ASB3: variants seen among roughly 807,000 people sequenced by gnomAD.
ASB3 encodes the protein ankyrin repeat and SOCS box protein 3.
In ASB3, 41 loss-of-function variants were observed where a neutral mutation model predicts 54.5. That is an observed-to-expected ratio of 0.75 (90% CI 0.59 to 0.98). The LOEUF (loss-of-function observed/expected upper bound fraction) is 0.98. Among genes scored for constraint, ASB3 ranks in the 50% least tolerant of loss-of-function variants. The probability of loss-of-function intolerance (pLI) is 0.00; values close to 1 mark genes in which losing one functional copy is unlikely to be tolerated. For synonymous variants in ASB3, 266 were observed against 221.2 expected (o/e 1.20, Z -1.80); for missense variants, 733 against 620.0 (o/e 1.18, Z -1.94).
chr2:53,770,209 T>C lies in ASB3; in HGVS notation c.-13-4624A>G, dbSNP rs183391312. Among the ~76,000 whole-genome samples, 578 of 152,216 alleles carry C rather than the reference T, an allele frequency of 3.8e-3. 2 individuals are homozygous for C. Among genetic ancestry groups the C allele is most frequent in the Non-Finnish European group, 4.8e-3 (327 of 68,024 alleles). On this transcript the variant is annotated intron_variant, in intron 1 of 9. Transcript: ENST00000263634. ...TTTATAGTTCATCAATGACACAATA[T>C]TATGCAACTATTAAAATGTATGAGA...
At chr2:53,727,477 G>C (rs28668263) in intron 5 of ASB3, among the ~76,000 whole-genome samples, 1 of 151,762 alleles carries the variant, frequency 6.6e-6, no homozygotes, top group African/African-American at 2.4e-5. Context: ...AAAAAAAAAA[G>C]GTTTTTTAAT....
rs776851726 is a variant in ASB3 at position 53,714,604 on chromosome 2, G to A, written c.783-23C>T. 37 of 1,610,904 alleles carry A rather than the reference G, an allele frequency of 2.3e-5. No individual in the cohort carries two copies. The Admixed American group carries it at 6.0e-4, about 26-fold the overall frequency. ...ATTCTATAAATACACAAATTCAGGA[G>A]AATTTAGTGTTTGTATATGTGCATA... On this transcript the variant is annotated intron_variant, in intron 6 of 9. Transcript: ENST00000263634.
At chr2:53,701,012 G>A (rs1413002913) in intron 7 of ASB3, among the ~76,000 whole-genome samples, 5 of 152,236 alleles carry the variant, frequency 3.3e-5, no homozygotes, top group Middle Eastern at 3.4e-3. Context: ...GTCTTGCTCT[G>A]TGGCCCAGGC....
chr2:53,703,311 G>A (rs1669592350), intron 7 of ASB3, among the ~76,000 whole-genome samples: 2 of 152,180 alleles, frequency 1.3e-5, no homozygotes, highest in Admixed American at 1.3e-4. Context: ...TTTTGTTGCA[G>A]GATCTATACA....
intron 2 of ASB3, among the ~76,000 whole-genome samples, chr2:53,763,862 T>G (rs1673288223): frequency 6.6e-6 from 1 of 152,214 alleles, no homozygotes; most frequent in East Asian, 1.9e-4. Context: ...CTTAAGCGTT[T>G]GAAATTAGAG....
At chr2:53,701,328 C>T (rs13408029) in intron 7 of ASB3, among the ~76,000 whole-genome samples, 1 of 151,912 alleles carries the variant, frequency 6.6e-6, no homozygotes, top group Non-Finnish European at 1.5e-5. Context: ...ATTTACAATA[C>T]TACATCTTAA....
chr2:53,767,669 A>G (rs955695848), intron 1 of ASB3: 3 of 582,520 alleles, frequency 5.2e-6, no homozygotes, highest in Non-Finnish European at 9.1e-6. Flanking sequence ...CCGAAGGTCA[A>G]TGCCTCTTGA....
At chr2:53,737,830 T>G (rs911884473) in intron 3 of ASB3, among the ~76,000 whole-genome samples, 2 of 151,540 alleles carry the variant, frequency 1.3e-5, no homozygotes, top group East Asian at 1.9e-4. Context: ...GTGCATATAG[T>G]ATACCCTGAA....
chr2:53,694,268 G>A (rs1350814957), intron 8 of ASB3: 4 of 344,874 alleles, frequency 1.2e-5, no homozygotes, highest in Middle Eastern at 7.8e-4. Context: ...GAGAGAGTAG[G>A]AACTTTCCTT....
At chr2:53,693,509 A>G (rs908428192) in intron 9 of ASB3, among the ~76,000 whole-genome samples, 2 of 152,278 alleles carry the variant, frequency 1.3e-5, no homozygotes, top group African/African-American at 4.8e-5. Context: ...ACATAACTCC[A>G]CAGACATTCC....
chr2:53,738,013 A>G (rs1228303472), intron 3 of ASB3, among the ~76,000 whole-genome samples: 1 of 152,246 alleles, frequency 6.6e-6, no homozygotes, highest in Non-Finnish European at 1.5e-5. Context: ...TTAGGACAGA[A>G]CTAAGCTTCA....
chr2:53,714,140 C>G (rs1419114102), intron 7 of ASB3, among the ~76,000 whole-genome samples: 1 of 151,902 alleles, frequency 6.6e-6, no homozygotes, highest in African/African-American at 2.4e-5. Context: ...GTACGTATTC[C>G]CTAAGATTGC....
intron 9 of ASB3, among the ~76,000 whole-genome samples, chr2:53,686,763 CT>C (rs1668655761): frequency 6.6e-6 from 1 of 152,104 alleles, no homozygotes; most frequent in African/African-American, 2.4e-5. Context: ...GTTGCCCGGG[CT>C]GGAGTGCAAT....
chr2:53,719,586 T>C (rs1339455013), intron 5 of ASB3, among the ~76,000 whole-genome samples: 1 of 147,560 alleles, frequency 6.8e-6, no homozygotes, highest in East Asian at 2.0e-4. Context: ...CCCAAGATAA[T>C]CCCCCCTTCA....
chr2:53,716,113 T>C (rs548612030), intron 6 of ASB3, among the ~76,000 whole-genome samples: 1 of 152,210 alleles, frequency 6.6e-6, no homozygotes, highest in South Asian at 2.1e-4. Context: ...TGAGGTTAGA[T>C]CAAGAAAAGT....
intron 5 of ASB3, among the ~76,000 whole-genome samples, chr2:53,725,629 T>C (rs1303169005): frequency 6.6e-6 from 1 of 152,222 alleles, no homozygotes; most frequent in African/African-American, 2.4e-5. Context: ...TACATGACCA[T>C]GAGAGTTTTT....
At chr2:53,694,740 A>G (rs1669095267) in intron 8 of ASB3, among the ~76,000 whole-genome samples, 1 of 152,142 alleles carries the variant, frequency 6.6e-6, no homozygotes, top group African/African-American at 2.4e-5. Context: ...TGCTACTTAT[A>G]AACAGGTTGC....
At chr2:53,773,695 C>G (rs1558575672) in intron 1 of ASB3, among the ~76,000 whole-genome samples, 1 of 151,610 alleles carries the variant, frequency 6.6e-6, no homozygotes, top group Non-Finnish European at 1.5e-5. Flanking sequence ...TCCCAAAGTG[C>G]TGGTATTACA....
At chr2:53,721,703 T>A (rs1241140843) in intron 5 of ASB3, among the ~76,000 whole-genome samples, 1 of 151,854 alleles carries the variant, frequency 6.6e-6, no homozygotes, top group Non-Finnish European at 1.5e-5. Context: ...CAGCAAAAAG[T>A]GTTAAGAAGT....
Sources: allele counts gnomAD v4.1 joint callset (sites outside exome capture counted in the v4.1 genomes callset), GRCh38; gene constraint gnomAD v4.1.1; transcripts MANE v1.5; gene names NCBI Gene and HGNC (gene_info 2026-07-23, HGNC 2026-07-21).